DPF3: variants seen among roughly 807,000 people sequenced by gnomAD.
DPF3 encodes double PHD fingers 3, also known as zinc finger protein DPF3.
A neutral mutation model predicts 56.8 loss-of-function variants in DPF3; 18 were observed. The ratio of observed to expected loss-of-function variants is 0.32; its 90% CI spans 0.22 to 0.47. The LOEUF (loss-of-function observed/expected upper bound fraction) is 0.47, where lower values mean the gene tolerates loss of function less well. DPF3 is among the 20% of genes least tolerant of loss of function. The probability of loss-of-function intolerance (pLI) is 1.00; values close to 1 mark genes in which losing one functional copy is unlikely to be tolerated. For missense variants in DPF3, 403 were observed against 488.8 expected, an observed-to-expected ratio of 0.82 and a Z score of 1.65; for synonymous variants, 188 against 180.2, an observed-to-expected ratio of 1.04 and a Z score of -0.35.
At chr14:72,859,698 C>T (rs1363715012) in intron 1 of DPF3, among the ~76,000 whole-genome samples, 1 of 152,048 alleles carries the variant, frequency 6.6e-6, no homozygotes, top group Non-Finnish European at 1.5e-5. Flanking sequence ...ACTCATTCCC[C>T]CAGCAAATAC....
intron 1 of DPF3, among the ~76,000 whole-genome samples, chr14:72,816,140 G>A (rs916057118): frequency 6.6e-6 from 1 of 152,094 alleles, no homozygotes; most frequent in East Asian, 1.9e-4. Flanking sequence ...TGCCTTGACC[G>A]TGGATAGTCA....
intron 8 of DPF3, among the ~76,000 whole-genome samples, chr14:72,667,731 G>T (rs148884005): frequency 6.6e-6 from 1 of 152,126 alleles, no homozygotes; most frequent in Non-Finnish European, 1.5e-5. Context: ...GGATCTAATT[G>T]CTTACTCTTC....
At chr14:72,646,911 A>G (rs978896696) in intron 8 of DPF3, among the ~76,000 whole-genome samples, 5 of 152,220 alleles carry the variant, frequency 3.3e-5, no homozygotes, top group African/African-American at 9.6e-5. Flanking sequence ...GTGGGTAGGA[A>G]TCTGCCTGTT....
intron 7 of DPF3, 44 bp from the exon 8 acceptor site, chr14:72,674,412 T>C: frequency 1.3e-6 from 2 of 1,593,700 alleles, no homozygotes; most frequent in South Asian, 2.3e-5. Context: ...CTTACATGAG[T>C]TTCAACTGCC....
chr14:72,785,684 CCTT>C (rs1228261811), intron 1 of DPF3, among the ~76,000 whole-genome samples: 11 of 152,290 alleles, frequency 7.2e-5, no homozygotes, highest in Admixed American at 4.6e-4. Flanking sequence ...CAGAAATAAA[CCTT>C]CTTATCACAG....
intron 1 of DPF3, among the ~76,000 whole-genome samples, chr14:72,781,474 C>T (rs1891967468): frequency 6.6e-6 from 1 of 152,142 alleles, no homozygotes; most frequent in African/African-American, 2.4e-5. Flanking sequence ...ATGTTCAGGC[C>T]CAGTAGACCC....
chr14:72,812,398 G>A (rs956411837), intron 1 of DPF3, among the ~76,000 whole-genome samples: 5 of 152,250 alleles, frequency 3.3e-5, no homozygotes, highest in Middle Eastern at 3.4e-3. Flanking sequence ...AGCTAAACCC[G>A]CTAATGTGCT....
At chr14:72,787,257 T>C (rs1892248755) in intron 1 of DPF3, among the ~76,000 whole-genome samples, 1 of 152,202 alleles carries the variant, frequency 6.6e-6, no homozygotes, top group Non-Finnish European at 1.5e-5. Flanking sequence ...ATGCCATCAT[T>C]CTATCATCCC....
intron 5 of DPF3, among the ~76,000 whole-genome samples, chr14:72,719,760 A>G (rs1199112287): frequency 5.9e-5 from 9 of 152,108 alleles, no homozygotes; most frequent in Admixed American, 1.3e-4. Context: ...CCCCCTCCTG[A>G]TAATATCTAG....
At chr14:72,697,097 C>T (rs1365506045) in intron 6 of DPF3, among the ~76,000 whole-genome samples, 1 of 152,188 alleles carries the variant, frequency 6.6e-6, no homozygotes, top group African/African-American at 2.4e-5. Context: ...CCAGACAATA[C>T]ATGGAGGTCC....
intron 1 of DPF3, among the ~76,000 whole-genome samples, chr14:72,824,401 TC>T (rs577656303): frequency 2.0e-5 from 3 of 152,056 alleles, no homozygotes; most frequent in Admixed American, 6.6e-5. Context: ...GTATCTCCTT[TC>T]CCCCCTTCTC....
Position 72,892,077 on chromosome 14 carries a change from TACTGCGCCCGCCC to T in DPF3, c.32+1967_32+1979del, listed in dbSNP as rs1269900836. On this transcript the variant is annotated intron_variant, in intron 1 of 10. Coordinates refer to ENST00000556509, the MANE Select transcript of DPF3 (RefSeq NM_001280542.3). ...GAGTAGGGGAACACAAGCTTAGAGA[TACTGCGCCCGCCC>T]GCGCGAAAGCGGGCTCCCGGGTAAC... is the stretch of plus-strand genomic sequence containing the variant. The T allele has an allele frequency of 6.4e-5, 94 of 1,476,622 alleles. No individual in the cohort carries two copies. The Middle Eastern group carries it at 1.1e-3, about 17-fold the overall frequency. The allele number at this position is 1,476,622 out of a possible 1,614,324, so 91.5% of individuals were successfully genotyped here. A position where few individuals can be genotyped will look rare whatever the true frequency, so the allele number is the denominator to read the frequency against.
At chr14:72,851,675 G>T (rs1351507047) in intron 1 of DPF3, among the ~76,000 whole-genome samples, 2 of 152,256 alleles carry the variant, frequency 1.3e-5, no homozygotes, top group East Asian at 3.9e-4. Context: ...TGTCACAGAT[G>T]GCCACAAACT....
At chr14:72,815,786 A>T (rs982851420) in intron 1 of DPF3, among the ~76,000 whole-genome samples, 4 of 152,204 alleles carry the variant, frequency 2.6e-5, no homozygotes. Flanking sequence ...AATCAGTCTC[A>T]CTGGGCCAGC....
At chr14:72,700,185 G>T (rs574376401) in intron 6 of DPF3, among the ~76,000 whole-genome samples, 14 of 152,150 alleles carry the variant, frequency 9.2e-5, no homozygotes, top group Non-Finnish European at 1.8e-4. Context: ...GCTTAGAAAA[G>T]CCAGCACTGT....
chr14:72,693,137 C>T lies in DPF3; in HGVS notation c.681G>A (p.Gly227=), dbSNP rs753117168. 19 of 1,613,872 alleles carry T rather than the reference C, an allele frequency of 1.2e-5. No individual in the cohort carries two copies. The highest frequency in any genetic ancestry group is 3.3e-5 in the Admixed American group (2 of 60,006). ...YAHTHLASEE[G]DEAQDQETRS... ...GAGTCTCCTGGTCTTGAGCTTCATC[C>T]CCCTCCTCGCTGGCCAGGTGAGTGT... The change falls in exon 7 of 11, where the codon GGG becomes GGA. Residue 227 remains glycine (G), a synonymous_variant. Transcript: ENST00000556509.
At chr14:72,850,382 T>C (rs1178566380) in intron 1 of DPF3, among the ~76,000 whole-genome samples, 1 of 152,118 alleles carries the variant, frequency 6.6e-6, no homozygotes, top group Non-Finnish European at 1.5e-5. Context: ...CCCAGAGGCA[T>C]TGGAGTTTGA....
intron 1 of DPF3, among the ~76,000 whole-genome samples, chr14:72,782,203 A>T (rs1218367331): frequency 6.6e-6 from 1 of 150,896 alleles, no homozygotes; most frequent in African/African-American, 2.4e-5. Flanking sequence ...TCTATAGTCA[A>T]TTCTCTATAC....
rs558391024 is a variant in DPF3 at position 72,716,206 on chromosome 14, G to C, written c.526-1705C>G. Among the ~76,000 whole-genome samples the C allele has an allele frequency of 1.1e-4, 16 of 152,170 alleles. No individual in the cohort carries two copies. In the East Asian group the frequency reaches 2.9e-3, roughly 28 times the overall value. On this transcript the variant is annotated intron_variant, in intron 5 of 10. Transcript: ENST00000556509. ...CAGAACTGGATGTACGAGGGCTTCT[G>C]GGGGAGCTGCCAGCAGGAAAGGGAG... is the stretch of plus-strand genomic sequence containing the variant.
Sources: gnomAD v4.1 joint callset for allele counts (sites outside exome capture counted in the v4.1 genomes callset) on GRCh38, gnomAD v4.1.1 for gene constraint, MANE v1.5 for transcripts, NCBI Gene and HGNC (gene_info 2026-07-23, HGNC 2026-07-21) for gene names.